Variants in SFTPB observed in about 807,000 individuals in gnomAD.
SFTPB encodes the protein pulmonary surfactant-associated protein B.
Under a neutral mutation model 51.0 loss-of-function variants are expected in SFTPB, and 32 were observed. That is an observed-to-expected ratio of 0.63 (90% CI 0.47 to 0.84). The LOEUF is 0.84. SFTPB is among the 40% of genes least tolerant of loss of function. The pLI is 0.00. For missense variants in SFTPB, 431 were observed against 491.2 expected (o/e 0.88, Z 1.16); for synonymous variants, 211 against 208.5 (o/e 1.01, Z -0.10).
chr2:85,665,065 G>A (rs1424044250), intron 6 of SFTPB, among the ~76,000 whole-genome samples: 1 of 152,196 alleles, frequency 6.6e-6, no homozygotes, highest in Non-Finnish European at 1.5e-5. Flanking sequence ...TACAGTGGGG[G>A]CTTAATGTTT....
Position 85,663,489 on chromosome 2 carries a change from A to C in SFTPB, c.859T>G (p.Ser287Ala). Reference protein sequence around the residue: ...CSMDDSAGPRSPTGEWLPRDS... With the variant: ...CSMDDSAGPRAPTGEWLPRDS... ...CGCGGCAGCCATTCTCCTGTCGGCG[A>C]CCCTGGAGATGTGAGCATTAGGGGG... is the stretch of plus-strand genomic sequence containing the variant. Residue 287 changes from serine to alanine, a missense_variant and splice_region_variant, in exon 8 of 11, where the codon TCG becomes GCG. By Grantham distance (99) the Ser-to-Ala change is moderately conservative. Transcript: ENST00000519937. The C allele has an allele frequency of 1.2e-6, 2 of 1,613,622 alleles. No homozygotes were observed. Among genetic ancestry groups the C allele is most frequent in the Non-Finnish European group, 1.7e-6 (2 of 1,179,884 alleles).
At chr2:85,662,275 G>A in intron 8 of SFTPB, 166 bp from the exon 9 acceptor site, 1 of 1,470,850 alleles carries the variant, frequency 6.8e-7, no homozygotes. Flanking sequence ...ACAAACTGGA[G>A]CCAGCTGAAA....
At chr2:85,663,987 G>A in intron 6 of SFTPB, 140 bp from the exon 7 acceptor site, 1 of 803,396 alleles carries the variant, frequency 1.2e-6, no homozygotes, top group South Asian at 1.7e-5. Flanking sequence ...CACAAATAAG[G>A]ACACTGGGGA....
At chr2:85,665,475 C>A in intron 5 of SFTPB, 97 bp from the exon 6 acceptor site, 1 of 1,435,802 alleles carries the variant, frequency 7.0e-7, no homozygotes, top group South Asian at 1.2e-5. Context: ...CTCCCTCCTC[C>A]CTTAGGCCCT....
At chr2:85,668,494 G>A (rs1677767643), upstream of SFTPB, among the ~76,000 whole-genome samples, 1 of 152,176 alleles carries the variant, frequency 6.6e-6, no homozygotes, top group Non-Finnish European at 1.5e-5. Flanking sequence ...TGGGAGGGAG[G>A]TTGAGGAGGG....
chr2:85,662,840 CAAAAAAAAAA>C (rs34015129), intron 8 of SFTPB, among the ~76,000 whole-genome samples: 3 of 27,666 alleles, frequency 1.1e-4, no homozygotes, highest in East Asian at 1.0e-3. Context: ...AACTCCATCT[CAAAAAAAAAA>C]AAAAAAAAAA....
chr2:85,662,091 G>A lies in SFTPB; in HGVS notation c.1021C>T (p.Gln341Ter). 1 of 1,602,128 alleles carries A rather than the reference G, an allele frequency of 6.2e-7. No homozygotes were observed. The highest frequency in any genetic ancestry group is 8.5e-7 in the Non-Finnish European group (1 of 1,175,728). ...AGGGTCAGCAGCTGGGGCGTGTGCTGCTCCACAAATTGCTTGCACTGAGGA... is the reference window on the plus strand; with the variant it reads ...AGGGTCAGCAGCTGGGGCGTGTGCTACTCCACAAATTGCTTGCACTGAGGA... ...DREKCKQFVE[Q>*]HTPQLLTLVP... The change falls in exon 9 of 11, where the codon CAG becomes TAG. Residue 341 changes from glutamine (Q) to a stop codon, truncating the protein, a stop_gained. Transcript: ENST00000519937. LOFTEE classifies it high-confidence loss of function.
At chr2:85,660,341 G>A (rs570050144) in intron 10 of SFTPB, among the ~76,000 whole-genome samples, 69 of 137,548 alleles carry the variant, frequency 5.0e-4, no homozygotes, top group Non-Finnish European at 8.8e-4. Flanking sequence ...CATCATGTTG[G>A]TAAGGCTGGT....
Position 85,666,295 on chromosome 2 carries a change from C to CTG in SFTPB, c.393+320_393+321dup, listed in dbSNP as rs372858195. Among the ~76,000 whole-genome samples, 58 of 106,652 alleles carry CTG rather than the reference C, an allele frequency of 5.4e-4. 1 individual carries two copies. Among genetic ancestry groups the CTG allele is most frequent in the Non-Finnish European group, 9.2e-4 (48 of 52,102 alleles). The allele number at this position is 106,652 out of a possible 152,430, so 70.0% of individuals were successfully genotyped here. A position where few individuals can be genotyped will look rare whatever the true frequency, so the allele number is the denominator to read the frequency against. On this transcript the variant is annotated intron_variant, in intron 4 of 10. Coordinates refer to ENST00000519937, the MANE Select transcript of SFTPB (RefSeq NM_000542.5). ...TGTGGGTATGTGTCTGGATGGAGTG[C>CTG]TGTGTGTGTGTGTGTTTCCAGCTGG...
Position 85,662,127 on chromosome 2 carries a change from C to T in SFTPB, c.1003-18G>A. On this transcript the variant is annotated intron_variant, in intron 8 of 10. Coordinates refer to ENST00000519937, the MANE Select transcript of SFTPB (RefSeq NM_000542.5). Reference sequence around the variant, plus strand: ...TGCTTGCACTGAGGAAGGAGACACACAGCTGTGGAGGGTCCCTTTGCAGGA... The same window carrying T: ...TGCTTGCACTGAGGAAGGAGACACATAGCTGTGGAGGGTCCCTTTGCAGGA... The T allele has an allele frequency of 6.3e-7, 1 of 1,591,960 alleles. No individual in the cohort carries two copies. Among genetic ancestry groups the T allele is most frequent in the Non-Finnish European group, 8.5e-7 (1 of 1,170,648 alleles).
At position 85,667,080 on chromosome 2, in the gene SFTPB, T is replaced by G. The variant is rs558382109; in HGVS notation, c.267+26A>C. The G allele has an allele frequency of 3.8e-4, 600 of 1,581,636 alleles. 10 individuals carry two copies. In the South Asian group the frequency reaches 6.4e-3, roughly 17 times the overall value. ...GTCCCTCATCTCTTGGGCCCCAACC[T>G]TCATCCAGGATCTGGGCATCATTAC... On this transcript the variant is annotated intron_variant, in intron 3 of 10. Coordinates refer to ENST00000519937, the MANE Select transcript of SFTPB (RefSeq NM_000542.5).
Position 85,668,187 on chromosome 2 carries a change from A to G in SFTPB, c.-4T>C. On this transcript the variant is annotated 5_prime_UTR_variant, in exon 1 of 11. Coordinates refer to ENST00000519937, the MANE Select transcript of SFTPB (RefSeq NM_000542.5). ...GCAGCAGGTGTGACTCAGCCATGGC[A>G]CCTCTGCAGCCTGGGTACCCTGCTT... 1 of 1,551,156 alleles carries G rather than the reference A, an allele frequency of 6.4e-7. No individual in the cohort carries two copies. The highest frequency in any genetic ancestry group is 8.7e-7 in the Non-Finnish European group (1 of 1,146,804).
At position 85,662,029 on chromosome 2, in the gene SFTPB, C is replaced by T; in HGVS notation, c.1083G>A (p.Gln361=). 1.3e-6 allele frequency: 2 copies of T among 1,595,816 alleles called. No homozygotes were observed. Among genetic ancestry groups the T allele is most frequent in the African/African-American group, 2.7e-5 (2 of 74,948 alleles). Residue 361 remains glutamine (Q), a splice_region_variant and synonymous_variant, in exon 9 of 11, where the codon CAG becomes CAA. Coordinates refer to ENST00000519937, the MANE Select transcript of SFTPB (RefSeq NM_000542.5). The part of the protein sequence containing the change: ...PRGWDAHTTC[Q]ALGVCGTMSS... ...GACCAACTGGGAGGGGTGGGTGTACCTGGCAGGTGGTGTGGGCATCCCAGC... is the reference window on the plus strand; with the variant it reads ...GACCAACTGGGAGGGGTGGGTGTACTTGGCAGGTGGTGTGGGCATCCCAGC...
rs752139309 is a variant in SFTPB at position 85,667,815 on chromosome 2, T to G, written c.68-9A>C. 1 of 1,614,268 alleles carries G rather than the reference T, an allele frequency of 6.2e-7. No individual in the cohort carries two copies. Among genetic ancestry groups the G allele is most frequent in the South Asian group, 1.1e-5 (1 of 91,090 alleles). ...TGAGGTGGTCCAGGCAGCTGTGGTTTGGGGCCAGAGCAACCTTAATCAGGA... is the reference window on the plus strand; with the variant it reads ...TGAGGTGGTCCAGGCAGCTGTGGTTGGGGGCCAGAGCAACCTTAATCAGGA... On this transcript the variant is annotated splice_polypyrimidine_tract_variant and intron_variant, in intron 1 of 10. Coordinates refer to ENST00000519937, the MANE Select transcript of SFTPB (RefSeq NM_000542.5).
intron 6 of SFTPB, among the ~76,000 whole-genome samples, chr2:85,664,538 C>T (rs936144422): frequency 7.9e-5 from 12 of 152,286 alleles, no homozygotes; most frequent in Non-Finnish European, 1.3e-4. Context: ...GATGTCGGCT[C>T]ACTGCAACCT....
chr2:85,661,195 G>T (rs557535249), intron 10 of SFTPB: 12 of 398,658 alleles, frequency 3.0e-5, no homozygotes, highest in Non-Finnish European at 4.3e-5. Context: ...AGGGCAGGGC[G>T]GGGGGTTGGG....
At chr2:85,660,427 G>A (rs1161088300) in intron 10 of SFTPB, among the ~76,000 whole-genome samples, 1 of 140,110 alleles carries the variant, frequency 7.1e-6, no homozygotes, top group Non-Finnish European at 1.5e-5. Flanking sequence ...GAGCCACTGC[G>A]CCCAGCAAAG....
Position 85,658,826 on chromosome 2 carries a change from C to T in SFTPB, c.*876G>A, listed in dbSNP as rs1356946751. On this transcript the variant is annotated 3_prime_UTR_variant, in exon 11 of 11. Transcript: ENST00000519937. Reference sequence around the variant, plus strand: ...GTGTGAGCCACCACGTCTGGCCATACTGCAGCACTTTAAAGGACGGTGTCT... The same window carrying T: ...GTGTGAGCCACCACGTCTGGCCATATTGCAGCACTTTAAAGGACGGTGTCT... The T allele has an allele frequency of 6.6e-6, 1 of 152,120 alleles. No individual in the cohort carries two copies. The highest frequency in any genetic ancestry group is 1.5e-5 in the Non-Finnish European group (1 of 68,040). 9.4% of individuals were successfully genotyped at this position (152,120 alleles called of 1,614,324 possible). A position where few individuals can be genotyped will look rare whatever the true frequency, so the allele number is the denominator to read the frequency against.
In SFTPB at chr2:85,657,721, G is replaced by C. The variant is rs1432088261; in HGVS notation, c.*1981C>G. ...GCTTTTTAATCACCTGGGTGCAGGT[G>C]GGCTGAGTCCAAAAAGAGTCAGCAA... is the stretch of plus-strand genomic sequence containing the variant. On this transcript the variant is annotated 3_prime_UTR_variant, in exon 11 of 11. Coordinates refer to ENST00000519937, the MANE Select transcript of SFTPB (RefSeq NM_000542.5). 6 of 152,194 alleles carry C rather than the reference G, an allele frequency of 3.9e-5. No homozygotes were observed. The allele number at this position is 152,194 out of a possible 1,614,324, so 9.4% of individuals were successfully genotyped here.
Sources: allele counts gnomAD v4.1 joint callset (sites outside exome capture counted in the v4.1 genomes callset), GRCh38; gene constraint gnomAD v4.1.1; transcripts MANE v1.5; gene names NCBI Gene and HGNC (gene_info 2026-07-23, HGNC 2026-07-21).